Variants in PDE4D observed in about 807,000 individuals in gnomAD.
PDE4D encodes the protein 3',5'-cyclic-AMP phosphodiesterase 4D.
Under a neutral mutation model 87.4 loss-of-function variants are expected in PDE4D, and 24 were observed. The observed-to-expected ratio is 0.27, with a 90% confidence interval of 0.20 to 0.39. The LOEUF is 0.39. PDE4D is among the 10% of genes least tolerant of loss of function. The pLI, the probability that PDE4D is intolerant of heterozygous loss-of-function variation, is 1.00. For missense variants in PDE4D, 714 were observed against 1,041.0 expected (o/e 0.69, Z 4.32); for synonymous variants, 384 against 383.2 (o/e 1.00, Z -0.02).
At chr5:59,031,830 C>T (rs774254113) in intron 6 of PDE4D, among the ~76,000 whole-genome samples, 1 of 149,454 alleles carries the variant, frequency 6.7e-6, no homozygotes, top group Non-Finnish European at 1.5e-5. Context: ...AAGTCAGGCA[C>T]AGAAAGACAA....
chr5:60,119,012 C>T lies in PDE4D; in HGVS notation c.42+66545G>A, dbSNP rs139124740. Among the ~76,000 whole-genome samples, 33 of 152,224 alleles carry T rather than the reference C, an allele frequency of 2.2e-4. No homozygotes were observed. In the East Asian group the frequency reaches 6.2e-3, roughly 29 times the overall value. On this transcript the variant is annotated intron_variant, in intron 2 of 16. Transcript: ENST00000502484. ...ACTATCCAGGAACTACACACACAGG[C>T]CCAACTGATTCTTCCTGAAACATGG...
At chr5:60,219,173 T>C (rs1744206561) in intron 1 of PDE4D, among the ~76,000 whole-genome samples, 3 of 152,200 alleles carry the variant, frequency 2.0e-5, no homozygotes, top group African/African-American at 4.8e-5. Flanking sequence ...CTCCTGCATG[T>C]TGACCTTATC....
chr5:59,561,536 G>A (rs1170094198), intron 1 of PDE4D, among the ~76,000 whole-genome samples: 2 of 152,030 alleles, frequency 1.3e-5, no homozygotes, highest in Non-Finnish European at 2.9e-5. Flanking sequence ...TTTGTTTTTG[G>A]AAATTTGAAA....
intron 1 of PDE4D, among the ~76,000 whole-genome samples, chr5:59,385,924 C>T (rs1786884726): frequency 6.6e-6 from 1 of 152,128 alleles, no homozygotes; most frequent in Non-Finnish European, 1.5e-5. Flanking sequence ...GTTTCAGCCC[C>T]ACACCTCATC....
intron 2 of PDE4D, among the ~76,000 whole-genome samples, chr5:60,004,129 C>T (rs961417553): frequency 6.6e-6 from 1 of 151,924 alleles, no homozygotes; most frequent in Non-Finnish European, 1.5e-5. Flanking sequence ...TAATATGATA[C>T]CAAAAGTGTA....
intron 1 of PDE4D, among the ~76,000 whole-genome samples, chr5:60,469,361 T>C (rs1454652786): frequency 2.6e-5 from 4 of 152,158 alleles, no homozygotes; most frequent in Non-Finnish European, 1.5e-5. Context: ...TTCATCTTCA[T>C]ACCCCATAGG....
At chr5:59,470,973 C>A (rs1039140851) in intron 1 of PDE4D, among the ~76,000 whole-genome samples, 2 of 152,084 alleles carry the variant, frequency 1.3e-5, no homozygotes, top group African/African-American at 4.8e-5. Context: ...ATGGCTCATA[C>A]CTGGGATCCC....
At chr5:60,381,199 G>A (rs1271339088) in intron 1 of PDE4D, among the ~76,000 whole-genome samples, 5 of 152,168 alleles carry the variant, frequency 3.3e-5, no homozygotes, top group African/African-American at 1.2e-4. Context: ...TGAAGTCTGA[G>A]TAGCTGAGGT....
chr5:59,544,601 A>G (rs1411501420), intron 1 of PDE4D, among the ~76,000 whole-genome samples: 2 of 152,230 alleles, frequency 1.3e-5, no homozygotes, highest in Middle Eastern at 3.2e-3. Context: ...CAGAGCAACA[A>G]ATAAATTCCT....
At chr5:59,783,104 G>A (rs1482025801) in intron 1 of PDE4D, among the ~76,000 whole-genome samples, 1 of 152,134 alleles carries the variant, frequency 6.6e-6, no homozygotes, top group South Asian at 2.1e-4. Context: ...ACACATCACA[G>A]AAACTAAAAT....
Position 60,368,499 on chromosome 5 carries a change from C to T in PDE4D, c.-90+119443G>A, listed in dbSNP as rs139400453. Among the ~76,000 whole-genome samples the T allele has an allele frequency of 3.4e-4, 52 of 152,332 alleles. 1 individual carries two copies. Among genetic ancestry groups the T allele is most frequent in the South Asian group, 2.3e-3 (11 of 4,828 alleles). ...TGCATGAAACAGGAATTACCATCAA[C>T]ACCTGTTGGTATTGAGAAAGCAGTG... is the stretch of plus-strand genomic sequence containing the variant. On this transcript the variant is annotated intron_variant, in intron 1 of 16. Transcript: ENST00000502484.
chr5:60,126,526 G>A (rs1779138128), intron 2 of PDE4D, among the ~76,000 whole-genome samples: 1 of 152,050 alleles, frequency 6.6e-6, no homozygotes, highest in African/African-American at 2.4e-5. Flanking sequence ...TATGTTCAAG[G>A]CAGTCTTAAT....
At chr5:59,080,179 A>C (rs1391649) in intron 5 of PDE4D, among the ~76,000 whole-genome samples, 52,290 of 152,038 alleles carry the variant, frequency 0.34, 9,612 homozygotes, top group East Asian at 0.72. Context: ...TATTTCCTGC[A>C]TGACCTCAGA....
At chr5:59,729,402 T>C (rs1757059130) in intron 1 of PDE4D, among the ~76,000 whole-genome samples, 1 of 152,134 alleles carries the variant, frequency 6.6e-6, no homozygotes, top group South Asian at 2.1e-4. Context: ...CGATTCATTA[T>C]TCTGACATGA....
chr5:60,502,245 T>C (rs1426408546), intron 1 of PDE4D, among the ~76,000 whole-genome samples: 1 of 152,212 alleles, frequency 6.6e-6, no homozygotes, highest in Non-Finnish European at 1.5e-5. Flanking sequence ...CCCAGGACCA[T>C]TTATTAAATA....
chr5:59,984,378 C>G (rs1031728384), intron 3 of PDE4D, among the ~76,000 whole-genome samples: 2 of 152,114 alleles, frequency 1.3e-5, no homozygotes, highest in Admixed American at 1.3e-4. Flanking sequence ...AGCCATGAAG[C>G]CTGAATTCGC....
At chr5:60,366,471 A>G (rs1760553422) in intron 1 of PDE4D, among the ~76,000 whole-genome samples, 1 of 152,200 alleles carries the variant, frequency 6.6e-6, no homozygotes, top group East Asian at 1.9e-4. Context: ...TAATGTTCCC[A>G]CTGAATTGAA....
At chr5:59,669,957 C>T (rs984349808) in intron 1 of PDE4D, among the ~76,000 whole-genome samples, 2 of 152,116 alleles carry the variant, frequency 1.3e-5, no homozygotes, top group African/African-American at 4.8e-5. Flanking sequence ...TAACACTGCA[C>T]ACTGTCTATT....
chr5:60,101,630 T>A (rs552518194), intron 2 of PDE4D, among the ~76,000 whole-genome samples: 103 of 152,240 alleles, frequency 6.8e-4, no homozygotes, highest in Non-Finnish European at 1.1e-3. Flanking sequence ...TTCTACATTA[T>A]ATGTATACTC....
Sources: gnomAD v4.1 joint callset for allele counts (sites outside exome capture counted in the v4.1 genomes callset) on GRCh38, gnomAD v4.1.1 for gene constraint, MANE v1.5 for transcripts, NCBI Gene and HGNC (gene_info 2026-07-23, HGNC 2026-07-21) for gene names.